Variants in DMKN observed in about 807,000 individuals in gnomAD.
The protein encoded by DMKN is dermokine.
In DMKN, 58 loss-of-function variants were observed where a neutral mutation model predicts 67.6. The observed-to-expected ratio is 0.86, with a 90% CI of 0.69 to 1.07. DMKN has a LOEUF of 1.07. Ranked by LOEUF, DMKN falls within the 50% of genes least tolerant of loss-of-function variation. The probability of loss-of-function intolerance (pLI) is 0.00; values close to 1 mark genes in which losing one functional copy is unlikely to be tolerated. For missense variants in DMKN, 596 were observed against 601.5 expected (o/e 0.99, Z 0.10); for synonymous variants, 240 against 232.3 (o/e 1.03, Z -0.30).
At chr19:35,502,576 C>A (rs1212607375) in intron 10 of DMKN, among the ~76,000 whole-genome samples, 1 of 151,842 alleles carries the variant, frequency 6.6e-6, no homozygotes, top group Admixed American at 6.6e-5. Context: ...CGGTGGCAGG[C>A]GCCTGTAGTC....
rs1298208515 is a variant in DMKN, at chr19:35,509,939, G to A, written c.1010C>T (p.Ala337Val). The change falls in exon 7 of 16, where the codon GCC (alanine) becomes GTC (valine). Residue 337 changes from alanine to valine, a missense_variant. Ala to Val is a moderately conservative substitution (Grantham distance 64). Coordinates refer to ENST00000339686, the MANE Select transcript of DMKN (RefSeq NM_033317.5). ...KPGCEKPGNEARGSGESGIQN... is the reference protein window; with the variant it reads ...KPGCEKPGNEVRGSGESGIQN... ...AATCCCAGATTCCCCGCTCCCGCGG[G>A]CTTCATTCCCTGGCTTTTCACACTG... 2.5e-6 allele frequency: 4 copies of A among 1,614,064 alleles called. No homozygotes were observed. Among genetic ancestry groups the A allele is most frequent in the Non-Finnish European group, 3.4e-6 (4 of 1,180,032 alleles).
rs192954904 is a variant in DMKN at position 35,498,696 on chromosome 19, C to T, written c.*20G>A. The T allele has an allele frequency of 1.1e-5, 18 of 1,613,544 alleles. No individual in the cohort carries two copies. The highest frequency in any genetic ancestry group is 2.2e-5 in the East Asian group (1 of 44,874). ...TCCACTGCCAGGATGTGGCCTGGGT[C>T]GGCTCACTCTGACACTCACCTACCA... On this transcript the variant is annotated intron_variant, in intron 15 of 15. Transcript: ENST00000339686.
At chr19:35,511,637 A>C (rs1161560662) in intron 4 of DMKN, 44 bp from the exon 5 acceptor site, 1 of 1,600,244 alleles carries the variant, frequency 6.2e-7, no homozygotes, top group African/African-American at 1.3e-5. Context: ...AAGACAGAGC[A>C]CCAAGACGGG....
intron 15 of DMKN, 145 bp downstream of exon 15, chr19:35,498,571 C>T: frequency 8.7e-7 from 1 of 1,148,606 alleles, no homozygotes; most frequent in Non-Finnish European, 1.2e-6. Context: ...TTCCTTATCA[C>T]CTTTAGAGCA....
intron 9 of DMKN, among the ~76,000 whole-genome samples, chr19:35,503,946 G>A (rs1488374428): frequency 5.3e-5 from 8 of 152,052 alleles, no homozygotes; most frequent in African/African-American, 1.4e-4. Context: ...CCCCTGCATC[G>A]TCAGGAACAT....
intron 1 of DMKN, 27 bp from the exon 2 acceptor site, chr19:35,512,817 G>A (rs984810200): frequency 6.2e-7 from 1 of 1,605,916 alleles, no homozygotes; most frequent in Admixed American, 1.7e-5. Context: ...CCTGCACTTA[G>A]TGGGACCATC....
intron 5 of DMKN, among the ~76,000 whole-genome samples, chr19:35,511,030 T>G (rs1008211787): frequency 1.3e-5 from 2 of 152,116 alleles, no homozygotes; most frequent in East Asian, 3.9e-4. Flanking sequence ...GCCCCCATTC[T>G]CCTGGGAGCT....
chr19:35,507,988 G>A (rs2069918812), intron 7 of DMKN: 4 of 567,862 alleles, frequency 7.0e-6, no homozygotes, highest in Non-Finnish European at 1.2e-5. Flanking sequence ...TAGACTGGCT[G>A]GTCCCCTCTT....
rs1335670263 is a variant in DMKN, at chr19:35,502,212, C to T, written c.1192-29G>A. 9 of 1,613,732 alleles carry T rather than the reference C, an allele frequency of 5.6e-6. No homozygotes were observed. In the South Asian group the frequency reaches 6.6e-5, roughly 12 times the overall value. ...CAGGGAGAAGGAGGGCAGAGTGGGC[C>T]GGGGAGGCAGAACCCACGGGGTGGT... On this transcript the variant is annotated intron_variant, in intron 10 of 15. Coordinates refer to ENST00000339686, the MANE Select transcript of DMKN (RefSeq NM_033317.5).
At chr19:35,499,085 G>T in intron 13 of DMKN, 188 bp from the exon 14 acceptor site, 1 of 750,942 alleles carries the variant, frequency 1.3e-6, no homozygotes, top group Non-Finnish European at 2.2e-6. Flanking sequence ...CATCCTGAGT[G>T]CACTTGATCC....
chr19:35,502,026 C>T, intron 11 of DMKN, 110 bp downstream of exon 11: 1 of 1,595,004 alleles, frequency 6.3e-7, no homozygotes, highest in Non-Finnish European at 8.6e-7. Flanking sequence ...TGCACAAAGC[C>T]TGGGAAAGTG....
At position 35,513,622 on chromosome 19, in the gene DMKN, C is replaced by T; in HGVS notation, c.-147G>A. The T allele has an allele frequency of 9.8e-7, 1 of 1,021,948 alleles. No homozygotes were observed. Among genetic ancestry groups the T allele is most frequent in the East Asian group, 2.6e-5 (1 of 38,358 alleles). The allele number at this position is 1,021,948 out of a possible 1,614,324, so 63.3% of individuals were successfully genotyped here. On this transcript the variant is annotated 5_prime_UTR_variant, in exon 1 of 16. Coordinates refer to ENST00000339686, the MANE Select transcript of DMKN (RefSeq NM_033317.5). ...TCCCTCTGGGTCTGCAGCCTTCTCT[C>T]TCCTGTCCTCAACTGCCTGGGCTTC...
Position 35,511,456 on chromosome 19 carries a change from GCCACTGCTGCCA to G in DMKN, c.861_872del (p.Gly288_Gly291del). The G allele has an allele frequency of 1.5e-4, 236 of 1,554,740 alleles. 2 individuals are homozygous for G. Among genetic ancestry groups the G allele is most frequent in the Middle Eastern group, 1.1e-3 (5 of 4,350 alleles). ...TGTCACCTCTGCTGCCACCACTGTT[GCCACTGCTGCCA>G]CCACTGCTGCCGCCACTGCTGCCGC... On this transcript the variant is annotated inframe_deletion, in exon 5 of 16. Coordinates refer to ENST00000339686, the MANE Select transcript of DMKN (RefSeq NM_033317.5).
Position 35,502,130 on chromosome 19 carries a change from C to T in DMKN, c.1239+6G>A, listed in dbSNP as rs200787055. 1.9e-6 allele frequency: 3 copies of T among 1,614,196 alleles called. No homozygotes were observed. Among genetic ancestry groups the T allele is most frequent in the Middle Eastern group, 1.7e-4 (1 of 6,046 alleles). ...TCCCAGAGCTGAGAAGTCCTGCCCC[C>T]CTTACCTCAATAATTGCTTTCCAGT... On this transcript the variant is annotated splice_donor_region_variant and intron_variant, in intron 11 of 15. Coordinates refer to ENST00000339686, the MANE Select transcript of DMKN (RefSeq NM_033317.5).
chr19:35,499,959 T>G lies in DMKN; in HGVS notation c.1358A>C (p.Lys453Thr). Residue 453 changes from lysine to threonine, a missense_variant and splice_region_variant, in exon 13 of 16, where the codon AAG becomes ACG. Lys to Thr is a moderately conservative substitution (Grantham distance 78). Coordinates refer to ENST00000339686, the MANE Select transcript of DMKN (RefSeq NM_033317.5). Reference sequence around the variant, plus strand: ...AGACAGGGTGGTTGCCGGTCTCACCTTTGCAGGGGTCTTGACTGAGTACTT... The same window carrying G: ...AGACAGGGTGGTTGCCGGTCTCACCGTTGCAGGGGTCTTGACTGAGTACTT... ...GGKYSVKTPA[K>T]GGVSPSSSAS... 2 of 1,614,084 alleles carry G rather than the reference T, an allele frequency of 1.2e-6. No homozygotes were observed. Among genetic ancestry groups the G allele is most frequent in the Non-Finnish European group, 1.7e-6 (2 of 1,180,018 alleles).
intron 7 of DMKN, 96 bp downstream of exon 7, chr19:35,509,815 C>T (rs1462688412): frequency 3.5e-6 from 5 of 1,429,666 alleles, no homozygotes; most frequent in Non-Finnish European, 4.9e-6. Flanking sequence ...GCAGACAAGG[C>T]AGGAGGGGGT....
intron 3 of DMKN, 152 bp downstream of exon 3, chr19:35,512,269 A>C: frequency 9.6e-7 from 1 of 1,046,914 alleles, no homozygotes. Context: ...AAGTGCTGGG[A>C]TTACAGGTGT....
chr19:35,503,727 C>T (rs377559316), intron 9 of DMKN, among the ~76,000 whole-genome samples: 4 of 152,096 alleles, frequency 2.6e-5, no homozygotes, highest in African/African-American at 9.7e-5. Context: ...CTGCCAGCCT[C>T]GGCCTCCCAA....
chr19:35,499,937 C>T, intron 13 of DMKN, 21 bp downstream of exon 13: 1 of 1,613,466 alleles, frequency 6.2e-7, no homozygotes. Flanking sequence ...AGCGGGAAGA[C>T]AGGGTGGTTG....
Sources: gnomAD v4.1 joint callset for allele counts (sites outside exome capture counted in the v4.1 genomes callset) on GRCh38, gnomAD v4.1.1 for gene constraint, MANE v1.5 for transcripts, NCBI Gene and HGNC (gene_info 2026-07-23, HGNC 2026-07-21) for gene names.